Variants in ZCWPW2 observed in about 807,000 individuals in gnomAD.
The protein encoded by ZCWPW2 is zinc finger CW-type PWWP domain protein 2.
In ZCWPW2, 45 loss-of-function variants were observed where a neutral mutation model predicts 46.6. The observed-to-expected ratio is 0.96, with a 90% CI of 0.76 to 1.24. ZCWPW2 has a LOEUF of 1.24. ZCWPW2 is among the 50% of genes most tolerant of loss of function. The pLI is 0.00. For missense variants in ZCWPW2, 429 were observed against 403.9 expected (o/e 1.06, Z -0.53); for synonymous variants, 152 against 137.1 (o/e 1.11, Z -0.76).
At chr3:28,362,212 G>C (rs1704967296) in intron 1 of ZCWPW2, among the ~76,000 whole-genome samples, 1 of 152,036 alleles carries the variant, frequency 6.6e-6, no homozygotes, top group Non-Finnish European at 1.5e-5. Context: ...AGTTATATAA[G>C]ATGAAAATGT....
chr3:28,501,869 C>T (rs1449218909), intron 6 of ZCWPW2, among the ~76,000 whole-genome samples: 1 of 152,116 alleles, frequency 6.6e-6, no homozygotes, highest in African/African-American at 2.4e-5. Flanking sequence ...CTGCCTCAGC[C>T]TCCCAAGTAG....
intron 2 of ZCWPW2, among the ~76,000 whole-genome samples, chr3:28,394,718 T>G (rs1263389396): frequency 6.6e-6 from 1 of 152,078 alleles, no homozygotes; most frequent in Non-Finnish European, 1.5e-5. Flanking sequence ...GCAAAAGAAT[T>G]AAATTGGACC....
chr3:28,382,769 C>G lies in ZCWPW2; in HGVS notation c.-133-7729C>G, dbSNP rs567037037. Among the ~76,000 whole-genome samples, 245 of 152,130 alleles carry G rather than the reference C, an allele frequency of 1.6e-3. 3 individuals carry two copies. Among genetic ancestry groups the G allele is most frequent in the African/African-American group, 5.5e-3 (230 of 41,522 alleles). The stretch of plus-strand genomic sequence containing the variant: ...AAAGTGCCCTTAAGTCTTTCAAAAT[C>G]CTGTCCTAATGAGTAAAATTAAGGA... On this transcript the variant is annotated intron_variant, in intron 1 of 9. Coordinates refer to ENST00000383768, the MANE Select transcript of ZCWPW2 (RefSeq NM_001040432.4).
intron 1 of ZCWPW2, among the ~76,000 whole-genome samples, chr3:28,373,212 T>G (rs914580335): frequency 3.3e-5 from 5 of 152,166 alleles, no homozygotes; most frequent in Non-Finnish European, 7.4e-5. Flanking sequence ...TAGTCTTTAG[T>G]TTTTTGGAGG....
chr3:28,406,008 A>G (rs1696143422), intron 2 of ZCWPW2, among the ~76,000 whole-genome samples: 1 of 152,198 alleles, frequency 6.6e-6, no homozygotes, highest in African/African-American at 2.4e-5. Context: ...ACTTGGCTCA[A>G]TTGTGTTCAT....
intron 1 of ZCWPW2, among the ~76,000 whole-genome samples, chr3:28,365,196 G>T (rs1705082346): frequency 6.7e-6 from 1 of 148,524 alleles, no homozygotes; most frequent in South Asian, 2.2e-4. Context: ...CATTGCTTTT[G>T]GTGTTTTAGA....
chr3:28,359,634 T>G (rs1704865446), intron 1 of ZCWPW2, among the ~76,000 whole-genome samples: 1 of 151,606 alleles, frequency 6.6e-6, no homozygotes, highest in Non-Finnish European at 1.5e-5. Context: ...GTAAATGATT[T>G]TCATCCTTAC....
chr3:28,446,774 A>T (rs534049681), intron 4 of ZCWPW2, among the ~76,000 whole-genome samples: 1 of 152,120 alleles, frequency 6.6e-6, no homozygotes, highest in African/African-American at 2.4e-5. Flanking sequence ...CTTTAGCTAG[A>T]TGGACTAAGA....
chr3:28,433,848 C>A (rs1444759800), intron 3 of ZCWPW2, among the ~76,000 whole-genome samples: 1 of 150,396 alleles, frequency 6.6e-6, no homozygotes, highest in Non-Finnish European at 1.5e-5. Flanking sequence ...ATCAAAGCCT[C>A]AAAGGAGTGC....
At chr3:28,454,140 G>A (rs923473503) in intron 4 of ZCWPW2, among the ~76,000 whole-genome samples, 10 of 151,986 alleles carry the variant, frequency 6.6e-5, no homozygotes, top group African/African-American at 1.7e-4. Context: ...CACCGCGCCC[G>A]GCCAATTGTG....
chr3:28,407,270 C>A (rs1696201166), intron 2 of ZCWPW2, among the ~76,000 whole-genome samples: 1 of 152,140 alleles, frequency 6.6e-6, no homozygotes, highest in Non-Finnish European at 1.5e-5. Flanking sequence ...CATTTGTGTT[C>A]TCCTAGGTAT....
intron 4 of ZCWPW2, among the ~76,000 whole-genome samples, chr3:28,445,882 G>C: frequency 6.6e-6 from 1 of 152,072 alleles, no homozygotes; most frequent in Non-Finnish European, 1.5e-5. Context: ...GAGAACAGGG[G>C]TTGCTATACT....
chr3:28,500,981 A>G (rs1287628137), intron 6 of ZCWPW2, among the ~76,000 whole-genome samples: 1 of 151,552 alleles, frequency 6.6e-6, no homozygotes, highest in Non-Finnish European at 1.5e-5. Context: ...TCCATAGGCC[A>G]GTGTTCCCCA....
At chr3:28,371,207 TTTA>T (rs1455373829) in intron 1 of ZCWPW2, among the ~76,000 whole-genome samples, 1 of 152,204 alleles carries the variant, frequency 6.6e-6, no homozygotes, top group Non-Finnish European at 1.5e-5. Context: ...ATTGCTTGAT[TTTA>T]TTACAACATT....
chr3:28,461,131 A>T (rs992639274), intron 4 of ZCWPW2: 1 of 163,698 alleles, frequency 6.1e-6, no homozygotes, highest in South Asian at 1.4e-4. Flanking sequence ...ATATATAAAC[A>T]TTGTGTCTAA....
At chr3:28,442,840 G>C (rs561865646) in intron 4 of ZCWPW2, among the ~76,000 whole-genome samples, 14 of 152,292 alleles carry the variant, frequency 9.2e-5, no homozygotes, top group Non-Finnish European at 2.1e-4. Flanking sequence ...CCACCCCTGT[G>C]TCCTTCAAGT....
intron 4 of ZCWPW2, among the ~76,000 whole-genome samples, chr3:28,471,406 A>C (rs1023051381): frequency 6.6e-6 from 1 of 152,200 alleles, no homozygotes; most frequent in East Asian, 1.9e-4. Context: ...ATGATTCATT[A>C]TGATCAAGTG....
intron 4 of ZCWPW2, among the ~76,000 whole-genome samples, chr3:28,450,871 G>A (rs1303753710): frequency 2.0e-5 from 3 of 152,196 alleles, no homozygotes; most frequent in African/African-American, 7.2e-5. Context: ...CAATAATGCT[G>A]CTTTCTAATT....
chr3:28,424,738 A>G (rs1307863850), intron 3 of ZCWPW2, among the ~76,000 whole-genome samples: 1 of 152,246 alleles, frequency 6.6e-6, no homozygotes, highest in Non-Finnish European at 1.5e-5. Flanking sequence ...ATGGGAAATC[A>G]GGGAAAATGT....
Sources: gnomAD v4.1 joint callset for allele counts (sites outside exome capture counted in the v4.1 genomes callset) on GRCh38, gnomAD v4.1.1 for gene constraint, MANE v1.5 for transcripts, NCBI Gene and HGNC (gene_info 2026-07-23, HGNC 2026-07-21) for gene names.